Variants in KCNJ6 observed in about 807,000 individuals in gnomAD.
KCNJ6 encodes the protein G protein-activated inward rectifier potassium channel 2.
A neutral mutation model predicts 34.2 loss-of-function variants in KCNJ6; 9 were observed. The observed-to-expected ratio is 0.26, with a 90% CI of 0.16 to 0.46. The LOEUF (loss-of-function observed/expected upper bound fraction) is 0.46. KCNJ6 is among the 20% of genes least tolerant of loss of function. KCNJ6 has a pLI of 1.00. For synonymous variants in KCNJ6, 196 were observed against 207.1 expected (o/e 0.95, Z 0.46); for missense variants, 236 against 531.3 (o/e 0.44, Z 5.46).
intron 2 of KCNJ6, among the ~76,000 whole-genome samples, chr21:37,734,766 C>T (rs944906940): frequency 6.6e-6 from 1 of 152,120 alleles, no homozygotes; most frequent in African/African-American, 2.4e-5. Context: ...AGGTTGCCCA[C>T]TCTGTCTCCC....
chr21:37,730,115 C>G (rs1484222239), intron 2 of KCNJ6, among the ~76,000 whole-genome samples: 4 of 152,210 alleles, frequency 2.6e-5, no homozygotes, highest in Non-Finnish European at 5.9e-5. Flanking sequence ...CTTCTGAGAG[C>G]AAGAAGAAAT....
Position 37,617,048 on chromosome 21 carries a change from C to CTTTCTTTCTTTTCT in KCNJ6, c.*8110_*8111insAGAAAAGAAAGAAA, listed in dbSNP as rs1430185515. The CTTTCTTTCTTTTCT allele has an allele frequency of 5.0e-4, 35 of 70,152 alleles. No individual in the cohort carries two copies. Among genetic ancestry groups the CTTTCTTTCTTTTCT allele is most frequent in the African/African-American group, 1.6e-3 (32 of 19,694 alleles). The allele number at this position is 70,152 out of a possible 1,614,324, so 4.3% of individuals were successfully genotyped here. On this transcript the variant is annotated 3_prime_UTR_variant, in exon 4 of 4. Coordinates refer to ENST00000609713, the MANE Select transcript of KCNJ6 (RefSeq NM_002240.5). Reference sequence around the variant, plus strand: ...TCTTTCTTTCTTTCTTTCTTTCTTTCTTTCTTTTCTTTTCTTTTCTTTTCT... The same window carrying CTTTCTTTCTTTTCT: ...TCTTTCTTTCTTTCTTTCTTTCTTTCTTTCTTTCTTTTCTTTTCTTTTCTTTTCTTTTCTTTTCT...
rs576891014 is a variant in KCNJ6 at position 37,825,132 on chromosome 21, T to A, written c.25+15526A>T. 2.4e-3 allele frequency among the ~76,000 whole-genome samples: 367 copies of A among 152,296 alleles called. 1 individual carries two copies. The highest frequency in any genetic ancestry group is 4.0e-3 in the Non-Finnish European group (273 of 68,016). On this transcript the variant is annotated intron_variant, in intron 2 of 3. Transcript: ENST00000609713. The stretch of plus-strand genomic sequence containing the variant: ...GTGGGGTATTCTCTCCAAGTCAAGA[T>A]CCTTACTTCCATTTGCTGAGATTTT...
chr21:37,856,240 T>A (rs1450305612), intron 1 of KCNJ6, among the ~76,000 whole-genome samples: 1 of 152,214 alleles, frequency 6.6e-6, no homozygotes, highest in Admixed American at 6.5e-5. Context: ...CATACAATGT[T>A]GTGGCATTTG....
At chr21:37,652,729 TAGGCAAGAGA>T in intron 3 of KCNJ6, among the ~76,000 whole-genome samples, 1 of 152,294 alleles carries the variant, frequency 6.6e-6, no homozygotes, top group East Asian at 1.9e-4. Context: ...AGTTGTCAGA[TAGGCAAGAGA>T]AGATGGGACT....
intron 2 of KCNJ6, among the ~76,000 whole-genome samples, chr21:37,735,751 C>T (rs115275482): frequency 0.074 from 11,276 of 152,260 alleles, 449 homozygotes; most frequent in African/African-American, 0.094. Flanking sequence ...AGGCCTGGAG[C>T]AGCCACTTGG....
At chr21:37,738,072 C>A (rs760063387) in intron 2 of KCNJ6, among the ~76,000 whole-genome samples, 3 of 152,204 alleles carry the variant, frequency 2.0e-5, no homozygotes, top group Non-Finnish European at 4.4e-5. Context: ...AATGCTCACA[C>A]TCTTTTTTAA....
Position 37,859,487 on chromosome 21 carries a change from T to TATATATATATA in KCNJ6, c.-27-18779_-27-18778insTATATATATAT, listed in dbSNP as rs2055582251. Among the ~76,000 whole-genome samples the TATATATATATA allele has an allele frequency of 3.7e-4, 31 of 84,276 alleles. 1 individual carries two copies. The highest frequency in any genetic ancestry group is 1.3e-3 in the African/African-American group (21 of 16,612). 55.3% of individuals were successfully genotyped at this position (84,276 alleles called of 152,430 possible). ...ATTTTAACTATGGGCTTATATTACT[T>TATATATATATA]TATATATATATATATATATATATAT... On this transcript the variant is annotated intron_variant, in intron 1 of 3. Transcript: ENST00000609713.
chr21:37,655,224 TGA>T (rs1177319031), intron 3 of KCNJ6, among the ~76,000 whole-genome samples: 1 of 7,490 alleles, frequency 1.3e-4, no homozygotes, highest in South Asian at 3.3e-3. Context: ...TGTGTGTGTG[TGA>T]GAGAGAGAGA....
At chr21:37,659,263 G>C (rs2054477556) in intron 3 of KCNJ6, among the ~76,000 whole-genome samples, 1 of 152,160 alleles carries the variant, frequency 6.6e-6, no homozygotes, top group Non-Finnish European at 1.5e-5. Context: ...CTGTGAGGCT[G>C]CATTCCTGAC....
chr21:37,890,054 T>C (rs549208006), intron 1 of KCNJ6, among the ~76,000 whole-genome samples: 65 of 152,308 alleles, frequency 4.3e-4, no homozygotes, highest in African/African-American at 1.5e-3. Flanking sequence ...ATTTATATAC[T>C]TCCATATTAG....
intron 1 of KCNJ6, among the ~76,000 whole-genome samples, chr21:37,911,924 A>G (rs983333071): frequency 2.0e-4 from 30 of 152,174 alleles, no homozygotes; most frequent in African/African-American, 6.5e-4. Context: ...TAACTTCTTA[A>G]ATAACTATTC....
intron 1 of KCNJ6, among the ~76,000 whole-genome samples, chr21:37,913,523 G>A (rs1348440186): frequency 5.3e-5 from 8 of 152,180 alleles, no homozygotes; most frequent in African/African-American, 1.9e-4. Flanking sequence ...AGGACCCTTA[G>A]AAAGAATTTG....
At chr21:37,625,618 T>C in intron 3 of KCNJ6, 134 bp from the exon 4 acceptor site, 1 of 626,154 alleles carries the variant, frequency 1.6e-6, no homozygotes, top group East Asian at 2.7e-5. Context: ...ACTTAGTAGG[T>C]GTCATTCATG....
intron 2 of KCNJ6, among the ~76,000 whole-genome samples, chr21:37,764,808 C>T (rs2055083139): frequency 6.6e-6 from 1 of 152,214 alleles, no homozygotes; most frequent in African/African-American, 2.4e-5. Context: ...CTTTCAGAAA[C>T]TGCTGCAACT....
At position 37,769,443 on chromosome 21, in the gene KCNJ6, T is replaced by C. The variant is rs62221961; in HGVS notation, c.26-54312A>G. ...ATTATTATTATTATTATTATTATTA[T>C]TACTATATTTTTTTAGTAGCAGAAC... is the stretch of plus-strand genomic sequence containing the variant. On this transcript the variant is annotated intron_variant, in intron 2 of 3. Coordinates refer to ENST00000609713, the MANE Select transcript of KCNJ6 (RefSeq NM_002240.5). 4.8e-5 allele frequency among the ~76,000 whole-genome samples: 7 copies of C among 146,162 alleles called. No homozygotes were observed. The East Asian group carries it at 1.4e-3, about 29-fold the overall frequency.
At chr21:37,880,751 G>A (rs571547842) in intron 1 of KCNJ6, among the ~76,000 whole-genome samples, 72 of 152,292 alleles carry the variant, frequency 4.7e-4, no homozygotes, top group South Asian at 2.5e-3. Context: ...TTTATCCAGG[G>A]CTTTCCAGGC....
chr21:37,807,875 G>T (rs1310154221), intron 2 of KCNJ6, among the ~76,000 whole-genome samples: 2 of 152,174 alleles, frequency 1.3e-5, no homozygotes, highest in Non-Finnish European at 2.9e-5. Flanking sequence ...AAGTAGATGT[G>T]GCAGTAGCCT....
At chr21:37,784,714 C>T (rs577141537) in intron 2 of KCNJ6, among the ~76,000 whole-genome samples, 2 of 152,164 alleles carry the variant, frequency 1.3e-5, no homozygotes, top group East Asian at 1.9e-4. Flanking sequence ...CTGTGTTTCA[C>T]ATCATAGAGT....
Sources: allele counts gnomAD v4.1 joint callset (sites outside exome capture counted in the v4.1 genomes callset), GRCh38; gene constraint gnomAD v4.1.1; transcripts MANE v1.5; gene names NCBI Gene and HGNC (gene_info 2026-07-23, HGNC 2026-07-21).